Variants in AK4 observed in about 807,000 individuals in gnomAD.
The protein encoded by AK4 is adenylate kinase 4, mitochondrial.
AK4 carries 13 observed loss-of-function variants against 24.6 expected under a neutral mutation model. That is an observed-to-expected ratio of 0.53 (90% CI 0.34 to 0.84). AK4 has a LOEUF of 0.84. AK4 is among the 40% of genes least tolerant of loss of function. The pLI is 0.01. For synonymous variants in AK4, 88 were observed against 107.0 expected, an observed-to-expected ratio of 0.82 and a Z score of 1.10; for missense variants, 192 against 288.2, an observed-to-expected ratio of 0.67 and a Z score of 2.42.
rs749865023 is a variant in AK4 at position 65,148,545 on chromosome 1, C to T, written c.138C>T (p.Ala46=). The change falls in exon 1 of 5, where the codon GCC becomes GCT. Residue 46 remains alanine (A), a synonymous_variant. Transcript: ENST00000327299. ...SGHFLRENIK[A]STEVGEMAKQ... ...ACTTCTTGCGGGAGAACATCAAGGCCAGCACCGGTGAGGGGCTGCGGGGAC... is the reference window on the plus strand; with the variant it reads ...ACTTCTTGCGGGAGAACATCAAGGCTAGCACCGGTGAGGGGCTGCGGGGAC... 4 of 1,600,562 alleles carry T rather than the reference C, an allele frequency of 2.5e-6. No individual in the cohort carries two copies. The highest frequency in any genetic ancestry group is 1.7e-6 in the Non-Finnish European group (2 of 1,173,604).
chr1:65,214,743 C>T (rs901876952), intron 2 of AK4, among the ~76,000 whole-genome samples: 2 of 152,196 alleles, frequency 1.3e-5, no homozygotes, highest in Non-Finnish European at 2.9e-5. Context: ...CTTGCCTCCC[C>T]TGCCACCACT....
rs143865887 is a variant in AK4, at chr1:65,214,181, G to A, written c.266-4573G>A. ...GGCTGGAGTGTAGTGGCACGATCTC[G>A]GCTCACTACAACTTCCACCTCCGGG... On this transcript the variant is annotated intron_variant, in intron 2 of 4. Transcript: ENST00000327299. Among the ~76,000 whole-genome samples, 55 of 152,188 alleles carry A rather than the reference G, an allele frequency of 3.6e-4. No homozygotes were observed. The East Asian group carries it at 9.9e-3, about 27-fold the overall frequency.
rs1235597657 is a variant in AK4 at position 65,231,421 on chromosome 1, T to C, written c.*5244T>C. ...TGAAAGCTCTTGTATGGCATAGATA[T>C]GAATTCCTTCCTCTGGTAATAATTA... On this transcript the variant is annotated 3_prime_UTR_variant, in exon 5 of 5. Transcript: ENST00000327299. The C allele has an allele frequency of 1.3e-5, 2 of 152,202 alleles. No individual in the cohort carries two copies. Among genetic ancestry groups the C allele is most frequent in the Non-Finnish European group, 2.9e-5 (2 of 68,032 alleles). 9.4% of individuals were successfully genotyped at this position (152,202 alleles called of 1,614,324 possible).
intron 2 of AK4, among the ~76,000 whole-genome samples, chr1:65,214,423 T>A (rs1022544651): frequency 2.6e-5 from 4 of 152,094 alleles, no homozygotes; most frequent in Admixed American, 2.6e-4. Context: ...TTGTTTCATA[T>A]CTGATGAAAC....
chr1:65,201,811 G>A (rs373807576), intron 2 of AK4, among the ~76,000 whole-genome samples: 1 of 152,152 alleles, frequency 6.6e-6, no homozygotes, highest in African/African-American at 2.4e-5. Context: ...TGGGAATGAA[G>A]CACATTTTAG....
chr1:65,194,145 A>G (rs1321214738), intron 2 of AK4, among the ~76,000 whole-genome samples: 1 of 152,200 alleles, frequency 6.6e-6, no homozygotes, highest in Non-Finnish European at 1.5e-5. Flanking sequence ...TCAAACCCGT[A>G]TCTTCAATGG....
intron 1 of AK4, among the ~76,000 whole-genome samples, chr1:65,151,957 A>T (rs2100976368): frequency 6.6e-6 from 1 of 152,234 alleles, no homozygotes; most frequent in Middle Eastern, 3.4e-3. Context: ...TTAGATTGCC[A>T]GGAGTTGGGT....
At chr1:65,184,293 A>G (rs1263529194) in intron 1 of AK4, among the ~76,000 whole-genome samples, 1 of 152,170 alleles carries the variant, frequency 6.6e-6, no homozygotes, top group Non-Finnish European at 1.5e-5. Flanking sequence ...CTATATGAAC[A>G]CATAATTTTG....
chr1:65,167,778 A>C (rs1650381483), intron 1 of AK4, among the ~76,000 whole-genome samples: 1 of 152,148 alleles, frequency 6.6e-6, no homozygotes. Flanking sequence ...AGGCTCTTTC[A>C]TTGCTGGACA....
chr1:65,166,779 C>CCA (rs955900553), intron 1 of AK4, among the ~76,000 whole-genome samples: 2 of 152,212 alleles, frequency 1.3e-5, no homozygotes, highest in African/African-American at 4.8e-5. Context: ...CTTTGGCCTC[C>CCA]CACAGTGTTG....
At chr1:65,195,103 C>G (rs1200096695) in intron 2 of AK4, among the ~76,000 whole-genome samples, 1 of 152,134 alleles carries the variant, frequency 6.6e-6, no homozygotes, top group Non-Finnish European at 1.5e-5. Context: ...ATGGTTCTCA[C>G]ATTTGTTGGG....
chr1:65,150,901 C>T (rs750788453), intron 1 of AK4, among the ~76,000 whole-genome samples: 5 of 152,148 alleles, frequency 3.3e-5, no homozygotes, highest in Non-Finnish European at 5.9e-5. Context: ...GATGTCATTG[C>T]TTCTTGGAAG....
chr1:65,172,096 TATATATA>T (rs1557444567), intron 1 of AK4, among the ~76,000 whole-genome samples: 9 of 106,618 alleles, frequency 8.4e-5, no homozygotes, highest in South Asian at 5.7e-4. Flanking sequence ...TATATATATA[TATATATA>T]TTTAAACTCA....
At chr1:65,161,159 C>A (rs1478847968) in intron 1 of AK4, among the ~76,000 whole-genome samples, 1 of 151,754 alleles carries the variant, frequency 6.6e-6, no homozygotes, top group African/African-American at 2.4e-5. Flanking sequence ...TCAAAAGGAC[C>A]AAAGGGGGTC....
chr1:65,197,300 G>A (rs1283291760), intron 2 of AK4, among the ~76,000 whole-genome samples: 1 of 152,124 alleles, frequency 6.6e-6, no homozygotes, highest in East Asian at 1.9e-4. Context: ...TTATCTTTAT[G>A]TACCAAGATG....
chr1:65,184,936 A>G (rs1200759617), intron 1 of AK4, among the ~76,000 whole-genome samples: 1 of 152,246 alleles, frequency 6.6e-6, no homozygotes, highest in Non-Finnish European at 1.5e-5. Flanking sequence ...GAGAAGAGCC[A>G]AAGCTGGCAG....
chr1:65,228,848 T>C lies in AK4; in HGVS notation c.*2671T>C, dbSNP rs1652549976. On this transcript the variant is annotated 3_prime_UTR_variant, in exon 5 of 5. Transcript: ENST00000327299. ...CATTCTACCCAGCTCTTAATTCAAT[T>C]TGCTTCCATTATCCTAACAGGCTTC... The C allele has an allele frequency of 1.3e-5, 2 of 152,136 alleles. No homozygotes were observed. Among genetic ancestry groups the C allele is most frequent in the African/African-American group, 4.8e-5 (2 of 41,430 alleles). 9.4% of individuals were successfully genotyped at this position (152,136 alleles called of 1,614,324 possible).
At chr1:65,225,923 T>C in intron 4 of AK4, 140 bp from the exon 5 acceptor site, 6 of 856,220 alleles carry the variant, frequency 7.0e-6, no homozygotes, top group Non-Finnish European at 1.1e-5. Context: ...GTTGATACCT[T>C]TGAAAGGGGC....
At chr1:65,164,227 T>A (rs1160014196) in intron 1 of AK4, among the ~76,000 whole-genome samples, 1 of 152,138 alleles carries the variant, frequency 6.6e-6, no homozygotes, top group Non-Finnish European at 1.5e-5. Context: ...CTCCCAAAGT[T>A]AGTTTGGCCT....
Sources: allele counts gnomAD v4.1 joint callset (sites outside exome capture counted in the v4.1 genomes callset), GRCh38; gene constraint gnomAD v4.1.1; transcripts MANE v1.5; gene names NCBI Gene and HGNC (gene_info 2026-07-23, HGNC 2026-07-21).